Variants in NRXN3 observed in about 807,000 individuals in gnomAD.
NRXN3 encodes neurexin 3, also known as neurexin III.
A neutral mutation model predicts 137.6 loss-of-function variants in NRXN3; 32 were observed. That is an observed-to-expected ratio of 0.23 (90% CI 0.18 to 0.31). NRXN3 has a LOEUF of 0.31. NRXN3 is among the 10% of genes least tolerant of loss of function. NRXN3 has a pLI of 1.00. For missense variants in NRXN3, 1,574 were observed against 2,062.5 expected (o/e 0.76, Z 4.59); for synonymous variants, 798 against 784.5 (o/e 1.02, Z -0.29).
chr14:79,334,310 T>TC (rs1432643285), intron 15 of NRXN3, among the ~76,000 whole-genome samples: 1 of 152,138 alleles, frequency 6.6e-6, no homozygotes, highest in Non-Finnish European at 1.5e-5. Flanking sequence ...TAGGGCATGC[T>TC]ATTTTGGGTG....
chr14:79,759,050 G>T (rs1273260451), intron 19 of NRXN3, among the ~76,000 whole-genome samples: 1 of 152,140 alleles, frequency 6.6e-6, no homozygotes, highest in Non-Finnish European at 1.5e-5. Flanking sequence ...CATTGCAGGG[G>T]GTGGGAGACA....
intron 15 of NRXN3, among the ~76,000 whole-genome samples, chr14:79,209,724 A>T (rs2067355048): frequency 6.6e-6 from 1 of 152,198 alleles, no homozygotes; most frequent in South Asian, 2.1e-4. Context: ...CGATTTTATC[A>T]CAAGACCTAA....
chr14:79,376,377 G>A (rs2094302777), intron 15 of NRXN3, among the ~76,000 whole-genome samples: 1 of 151,036 alleles, frequency 6.6e-6, no homozygotes, highest in African/African-American at 2.4e-5. Context: ...TGAATGTTTT[G>A]TTGGTACAAT....
At chr14:79,096,405 C>T (rs773898511) in intron 15 of NRXN3, among the ~76,000 whole-genome samples, 9 of 152,170 alleles carry the variant, frequency 5.9e-5, no homozygotes, top group East Asian at 1.9e-4. Flanking sequence ...CCACCGTGCC[C>T]GGCTTCCGCC....
chr14:79,515,746 CTT>C (rs1209217481), intron 16 of NRXN3, among the ~76,000 whole-genome samples: 2 of 152,188 alleles, frequency 1.3e-5, no homozygotes, highest in East Asian at 3.9e-4. Context: ...GAAAAAGTCT[CTT>C]TCCCCCATTA....
At chr14:78,662,828 A>G (rs1447299864) in intron 6 of NRXN3, among the ~76,000 whole-genome samples, 1 of 152,182 alleles carries the variant, frequency 6.6e-6, no homozygotes. Flanking sequence ...AGCCACTATC[A>G]TCACCTATTA....
rs904110221 is a variant in NRXN3, at chr14:78,512,424, C to T, written c.758-132696C>T. 2.8e-4 allele frequency among the ~76,000 whole-genome samples: 43 copies of T among 152,060 alleles called. 1 individual carries two copies. Among genetic ancestry groups the T allele is most frequent in the Non-Finnish European group, 2.9e-5 (2 of 68,004 alleles). On this transcript the variant is annotated intron_variant, in intron 4 of 20. Transcript: ENST00000335750. The stretch of plus-strand genomic sequence containing the variant: ...GAAAGTTTATATGAGCTAGATTTGC[C>T]CATTATTTCACTAAATTCATCACAT...
At chr14:79,400,566 CT>C (rs2095164362) in intron 15 of NRXN3, among the ~76,000 whole-genome samples, 1 of 152,132 alleles carries the variant, frequency 6.6e-6, no homozygotes, top group South Asian at 2.1e-4. Flanking sequence ...ACTATTCAGG[CT>C]GAACTTATGC....
At chr14:78,614,020 C>A (rs774052988) in intron 4 of NRXN3, among the ~76,000 whole-genome samples, 64 of 152,114 alleles carry the variant, frequency 4.2e-4, no homozygotes, top group Admixed American at 9.2e-4. Context: ...TTGGTTGTAG[C>A]TTAGAGATTA....
At chr14:78,671,388 C>T (rs1038451633) in intron 6 of NRXN3, among the ~76,000 whole-genome samples, 1 of 152,060 alleles carries the variant, frequency 6.6e-6, no homozygotes, top group African/African-American at 2.4e-5. Flanking sequence ...GAAACAATAT[C>T]CCAGTGAATA....
intron 4 of NRXN3, among the ~76,000 whole-genome samples, chr14:78,385,889 T>A (rs779991391): frequency 2.2e-4 from 34 of 152,122 alleles, no homozygotes; most frequent in Non-Finnish European, 3.5e-4. Flanking sequence ...GACTGAACCT[T>A]TAGGACTACC....
At chr14:78,269,866 CA>C (rs1422932655) in intron 2 of NRXN3, among the ~76,000 whole-genome samples, 1 of 152,158 alleles carries the variant, frequency 6.6e-6, no homozygotes, top group Non-Finnish European at 1.5e-5. Flanking sequence ...GGAGTCTTTC[CA>C]GAGAGTAGGG....
At chr14:78,875,292 G>C (rs887138665) in intron 10 of NRXN3, among the ~76,000 whole-genome samples, 4 of 152,324 alleles carry the variant, frequency 2.6e-5, no homozygotes, top group African/African-American at 9.6e-5. Context: ...TAGTCTGGAG[G>C]AAGCCAATTG....
chr14:79,427,299 G>A (rs528722868), intron 15 of NRXN3, among the ~76,000 whole-genome samples: 2 of 152,272 alleles, frequency 1.3e-5, no homozygotes, highest in African/African-American at 4.8e-5. Flanking sequence ...TGTGTCAAAT[G>A]GGAATATCAG....
chr14:79,297,395 T>A (rs1418629847), intron 15 of NRXN3, among the ~76,000 whole-genome samples: 3 of 152,206 alleles, frequency 2.0e-5, no homozygotes, highest in African/African-American at 7.2e-5. Flanking sequence ...TGGAATATAC[T>A]TATAATTTAA....
chr14:78,640,227 A>G (rs1406420149), intron 4 of NRXN3, among the ~76,000 whole-genome samples: 1 of 152,186 alleles, frequency 6.6e-6, no homozygotes, highest in African/African-American at 2.4e-5. Context: ...CAGGAACTAT[A>G]TCAACATCTA....
chr14:78,739,960 G>T (rs2152924822), intron 8 of NRXN3, among the ~76,000 whole-genome samples: 1 of 152,336 alleles, frequency 6.6e-6, no homozygotes, highest in African/African-American at 2.4e-5. Flanking sequence ...AAGCAATGTA[G>T]TTGATAAGCA....
intron 15 of NRXN3, among the ~76,000 whole-genome samples, chr14:79,000,739 C>A (rs1027720570): frequency 1.3e-5 from 2 of 152,086 alleles, no homozygotes; most frequent in African/African-American, 2.4e-5. Context: ...AAAGGGCCTG[C>A]AGCTCAACAT....
At chr14:79,129,309 G>T (rs1029431550) in intron 15 of NRXN3, among the ~76,000 whole-genome samples, 3 of 146,506 alleles carry the variant, frequency 2.0e-5, no homozygotes, top group Non-Finnish European at 3.0e-5. Context: ...TCTCTTGTGG[G>T]CATTTAGTGC....
Sources: allele counts gnomAD v4.1 joint callset (sites outside exome capture counted in the v4.1 genomes callset), GRCh38; gene constraint gnomAD v4.1.1; transcripts MANE v1.5; gene names NCBI Gene and HGNC (gene_info 2026-07-23, HGNC 2026-07-21).